The following KDM2A variants were observed in gnomAD, a reference collection of about 807,000 sequenced individuals.
KDM2A encodes lysine-specific demethylase 2A.
In KDM2A, 3 loss-of-function variants were observed where a neutral mutation model predicts 137.3. The ratio of observed to expected loss-of-function variants is 0.02; its 90% CI spans 0.01 to 0.06. KDM2A has a LOEUF of 0.06. Ranked by LOEUF, KDM2A falls within the 10% of genes least tolerant of loss-of-function variation. The pLI, the probability that KDM2A is intolerant of heterozygous loss-of-function variation, is 1.00. For missense variants in KDM2A, 738 were observed against 1,510.6 expected, an observed-to-expected ratio of 0.49 and a Z score of 8.48; for synonymous variants, 512 against 541.5, an observed-to-expected ratio of 0.95 and a Z score of 0.76.
intron 2 of KDM2A, among the ~76,000 whole-genome samples, chr11:67,179,618 T>G (rs1046489932): frequency 1.3e-5 from 2 of 152,194 alleles, no homozygotes; most frequent in Non-Finnish European, 2.9e-5. Context: ...TTCCTTTATC[T>G]GAGACAAGGG....
chr11:67,179,263 TTTTTG>T (rs1156235761), intron 2 of KDM2A, among the ~76,000 whole-genome samples: 1 of 152,160 alleles, frequency 6.6e-6, no homozygotes, highest in Admixed American at 6.5e-5. Context: ...TGCTGGGTTT[TTTTTG>T]TTTTGTTTTG....
rs1170393419 is a variant in KDM2A, at chr11:67,250,738, G to A, written c.2708G>A (p.Arg903His). 8 of 1,555,104 alleles carry A rather than the reference G, an allele frequency of 5.1e-6. No homozygotes were observed. Among genetic ancestry groups the A allele is most frequent in the East Asian group, 2.3e-5 (1 of 44,324 alleles). ...MQREVWMSVF[R>H]YLSRRELCEC... is the part of the protein sequence containing the mutation. ...CGGGAGGTCTGGATGTCTGTCTTCC[G>A]CTACCTCAGCCGCAGAGAACTTTGT... is the stretch of plus-strand genomic sequence containing the variant. The change falls in exon 17 of 21, where the codon CGC (arginine) becomes CAC (histidine). Residue 903 changes from arginine to histidine, a missense_variant. Transcript: ENST00000529006. This position sits in a 1 kb window ranked among gnomAD's most constrained non-coding sequence, Gnocchi z 7.1.
intron 2 of KDM2A, among the ~76,000 whole-genome samples, chr11:67,155,114 A>G (rs1856484215): frequency 6.6e-6 from 1 of 152,158 alleles, no homozygotes; most frequent in Non-Finnish European, 1.5e-5. Flanking sequence ...TCCCAGGCTC[A>G]TGCAGTTCTC....
At chr11:67,179,613 T>C (rs1857044276) in intron 2 of KDM2A, among the ~76,000 whole-genome samples, 3 of 152,212 alleles carry the variant, frequency 2.0e-5, no homozygotes, top group Admixed American at 2.0e-4. Flanking sequence ...CTTTCTTCCT[T>C]TATCTGAGAC....
chr11:67,247,773 A>G (rs1159297767), intron 15 of KDM2A, among the ~76,000 whole-genome samples: 1 of 152,236 alleles, frequency 6.6e-6, no homozygotes, highest in African/African-American at 2.4e-5. Context: ...CTTGGTGAAG[A>G]TGTAAATGGT....
At chr11:67,149,780 A>C (rs1256419487) in intron 2 of KDM2A, among the ~76,000 whole-genome samples, 2 of 146,874 alleles carry the variant, frequency 1.4e-5, no homozygotes, top group Non-Finnish European at 3.0e-5. Context: ...GAGTGCGATG[A>C]TACGATCTCG....
intron 2 of KDM2A, among the ~76,000 whole-genome samples, chr11:67,135,635 T>C (rs1855956030): frequency 6.6e-6 from 1 of 152,226 alleles, no homozygotes; most frequent in Non-Finnish European, 1.5e-5. Context: ...ATAATATATA[T>C]TCATAAATGT....
chr11:67,147,457 G>T (rs910851469), intron 2 of KDM2A, among the ~76,000 whole-genome samples: 1 of 151,546 alleles, frequency 6.6e-6, no homozygotes, highest in Non-Finnish European at 1.5e-5. Context: ...CAGGAGAATG[G>T]CATGAACCTG....
At chr11:67,205,774 G>A (rs1448639939) in intron 5 of KDM2A, among the ~76,000 whole-genome samples, 1 of 151,996 alleles carries the variant, frequency 6.6e-6, no homozygotes, top group South Asian at 2.1e-4. Context: ...GCACCACCGT[G>A]CCCGGCCAGA....
intron 2 of KDM2A, among the ~76,000 whole-genome samples, chr11:67,123,672 C>CT (rs1223511921): frequency 6.6e-6 from 1 of 151,488 alleles, no homozygotes; most frequent in African/African-American, 2.4e-5. Context: ...GCAAGCAAAA[C>CT]TTTTAACTGT....
chr11:67,251,352 CA>C (rs1347128494), intron 17 of KDM2A, among the ~76,000 whole-genome samples: 3 of 152,194 alleles, frequency 2.0e-5, no homozygotes, highest in Non-Finnish European at 4.4e-5. Context: ...TTCCAGCAAG[CA>C]GAGTCCAGTT....
intron 5 of KDM2A, among the ~76,000 whole-genome samples, chr11:67,186,403 C>T (rs558067164): frequency 6.6e-6 from 1 of 152,340 alleles, no homozygotes; most frequent in Admixed American, 6.5e-5. Flanking sequence ...CATCCTATAT[C>T]TGGCAAAACT....
intron 5 of KDM2A, among the ~76,000 whole-genome samples, chr11:67,203,709 G>A (rs1229743636): frequency 6.6e-6 from 1 of 151,106 alleles, no homozygotes; most frequent in East Asian, 1.9e-4. Context: ...AGTCTAGATT[G>A]TGCCACTGCA....
At chr11:67,162,494 T>A (rs1856656532) in intron 2 of KDM2A, among the ~76,000 whole-genome samples, 1 of 152,096 alleles carries the variant, frequency 6.6e-6, no homozygotes, top group Non-Finnish European at 1.5e-5. Flanking sequence ...AACCTTCATC[T>A]CCTGGGTTCA....
Position 67,250,060 on chromosome 11 carries a change from G to A in KDM2A, c.2056-26G>A, listed in dbSNP as rs374924066. 200 of 1,542,584 alleles carry A rather than the reference G, an allele frequency of 1.3e-4. No individual in the cohort carries two copies. In the African/African-American group the frequency reaches 2.6e-3, roughly 20 times the overall value. On this transcript the variant is annotated intron_variant, in intron 16 of 20. Transcript: ENST00000529006. This position sits in a 1 kb window ranked among gnomAD's most constrained non-coding sequence, Gnocchi z 7.1. ...GGTTTGGAAGAAAGGAAGCACTGAT[G>A]TTGCTTTTCTGGGCCTGTTTTGCAG...
intron 5 of KDM2A, among the ~76,000 whole-genome samples, chr11:67,183,427 T>G (rs563056188): frequency 6.6e-6 from 1 of 152,220 alleles, no homozygotes; most frequent in South Asian, 2.1e-4. Context: ...GTTAAAAATA[T>G]AGACTCTCAG....
At chr11:67,181,646 A>G (rs991922332) in intron 4 of KDM2A, among the ~76,000 whole-genome samples, 200 bp from the exon 5 acceptor site, 3 of 151,794 alleles carry the variant, frequency 2.0e-5, no homozygotes, top group Non-Finnish European at 4.4e-5. Context: ...ACCCTTAGGT[A>G]GATCATTAAC....
In KDM2A at chr11:67,248,387, A is replaced by G. The variant is rs1481590311; in HGVS notation, c.2055+17A>G. 1.3e-6 allele frequency: 2 copies of G among 1,560,094 alleles called. No individual in the cohort carries two copies. The highest frequency in any genetic ancestry group is 2.3e-5 in the South Asian group (2 of 85,854). Reference sequence around the variant, plus strand: ...AAAGCCCAGGTAAAGGAACCTTATCAGATTTGCACTGTGACAGAAAGGAGG... The same window carrying G: ...AAAGCCCAGGTAAAGGAACCTTATCGGATTTGCACTGTGACAGAAAGGAGG... On this transcript the variant is annotated intron_variant, in intron 16 of 20. Coordinates refer to ENST00000529006, the MANE Select transcript of KDM2A (RefSeq NM_012308.3).
At chr11:67,200,436 C>T (rs985874753) in intron 5 of KDM2A, among the ~76,000 whole-genome samples, 1 of 152,126 alleles carries the variant, frequency 6.6e-6, no homozygotes, top group African/African-American at 2.4e-5. Flanking sequence ...CCAGGATGAT[C>T]GCGATCTCCT....
Sources: gnomAD v4.1 joint callset for allele counts (sites outside exome capture counted in the v4.1 genomes callset) on GRCh38, gnomAD v4.1.1 for gene constraint, Gnocchi (gnomAD v3.1) non-coding constraint, MANE v1.5 for transcripts, NCBI Gene and HGNC (gene_info 2026-07-23, HGNC 2026-07-21) for gene names.